The following GRM5 variants were observed in gnomAD, a reference collection of about 807,000 sequenced individuals.
GRM5 encodes the protein metabotropic glutamate receptor 5.
GRM5 carries 19 observed loss-of-function variants against 83.1 expected under a neutral mutation model. The observed-to-expected ratio is 0.23, with a 90% CI of 0.16 to 0.34. The LOEUF (loss-of-function observed/expected upper bound fraction) is 0.34, where lower values mean the gene tolerates loss of function less well. Among genes scored for constraint, GRM5 ranks in the 10% least tolerant of loss-of-function variants. The probability of loss-of-function intolerance (pLI) is 1.00; values close to 1 mark genes in which losing one functional copy is unlikely to be tolerated. For missense variants in GRM5, 1,160 were observed against 1,588.3 expected (o/e 0.73, Z 4.58); for synonymous variants, 675 against 633.6 (o/e 1.07, Z -0.98).
chr11:88,597,318 CT>C lies in GRM5; in HGVS notation c.1428del (p.Asp477IlefsTer16). On this transcript the variant is annotated frameshift_variant, in exon 6 of 10. Transcript: ENST00000305447. LOFTEE classifies it high-confidence loss of function. ...YEIMNFKEMG[K>X]DYFDYINVGS... Reference sequence around the variant, plus strand: ...CCAACGTTGATATAATCAAAGTAATCTTTTCCCATTTCCTTGAAATTCATTA... The same window carrying C: ...CCAACGTTGATATAATCAAAGTAATCTTTCCCATTTCCTTGAAATTCATTA... 6.5e-7 allele frequency: 1 copy of C among 1,549,642 alleles called. No individual in the cohort carries two copies. Among genetic ancestry groups the C allele is most frequent in the Non-Finnish European group, 8.9e-7 (1 of 1,124,858 alleles).
At chr11:88,878,144 T>A (rs185265136) in intron 2 of GRM5, among the ~76,000 whole-genome samples, 179 of 152,292 alleles carry the variant, frequency 1.2e-3, no homozygotes, top group African/African-American at 4.0e-3. Context: ...ACTCCAGGTA[T>A]ATAAAATTGC....
At chr11:88,645,379 C>T (rs950166677) in intron 4 of GRM5, among the ~76,000 whole-genome samples, 1 of 152,084 alleles carries the variant, frequency 6.6e-6, no homozygotes, top group Non-Finnish European at 1.5e-5. Flanking sequence ...GGAACTGATA[C>T]ATGTCTTGAA....
chr11:88,791,928 T>C (rs1344344382), intron 3 of GRM5, among the ~76,000 whole-genome samples: 1 of 152,156 alleles, frequency 6.6e-6, no homozygotes. Flanking sequence ...CATCCCATTT[T>C]AGCTTAGCTG....
chr11:89,064,941 G>GAGA (rs56894219), intron 1 of GRM5, among the ~76,000 whole-genome samples: 1,394 of 35,826 alleles, frequency 0.039, 68 homozygotes, highest in East Asian at 0.077. Context: ...AGAGAGAGAG[G>GAGA]GAGAGAGAGA....
At chr11:88,771,922 C>T (rs2135450796) in intron 3 of GRM5, among the ~76,000 whole-genome samples, 1 of 152,154 alleles carries the variant, frequency 6.6e-6, no homozygotes, top group East Asian at 1.9e-4. Flanking sequence ...ATGGTTTTGT[C>T]TTTTTGAGAA....
intron 6 of GRM5, among the ~76,000 whole-genome samples, chr11:88,593,988 G>T (rs1196656390): frequency 6.6e-6 from 1 of 151,842 alleles, no homozygotes; most frequent in Non-Finnish European, 1.5e-5. Context: ...TAGAGACGGG[G>T]TTTTACCATG....
intron 4 of GRM5, among the ~76,000 whole-genome samples, chr11:88,618,616 A>C (rs575506116): frequency 2.6e-4 from 40 of 152,204 alleles, no homozygotes; most frequent in Non-Finnish European, 4.9e-4. Flanking sequence ...AAAAAAAAAA[A>C]AACGATTCAA....
At chr11:89,024,974 A>G (rs1455232711) in intron 2 of GRM5, among the ~76,000 whole-genome samples, 4 of 152,138 alleles carry the variant, frequency 2.6e-5, no homozygotes, top group Admixed American at 6.6e-5. Context: ...ATTTATTTAT[A>G]TCTTCTTAAT....
intron 3 of GRM5, among the ~76,000 whole-genome samples, chr11:88,701,642 T>A (rs115100399): frequency 3.1e-4 from 47 of 152,242 alleles, no homozygotes; most frequent in African/African-American, 1.1e-3. Context: ...TTTAGGGAAG[T>A]AGAAGTTACA....
intron 2 of GRM5, among the ~76,000 whole-genome samples, chr11:88,872,866 T>C (rs982828492): frequency 9.9e-5 from 15 of 151,280 alleles, no homozygotes; most frequent in African/African-American, 3.6e-4. Context: ...CCCTTACCTA[T>C]CATTTACCTT....
chr11:88,629,859 A>T (rs1938913591), intron 4 of GRM5, among the ~76,000 whole-genome samples: 1 of 152,178 alleles, frequency 6.6e-6, no homozygotes, highest in Non-Finnish European at 1.5e-5. Flanking sequence ...TAGTGGCTTC[A>T]TGTCTCAATT....
chr11:88,524,604 A>G (rs1425956864), intron 9 of GRM5, among the ~76,000 whole-genome samples: 1 of 152,204 alleles, frequency 6.6e-6, no homozygotes, highest in Non-Finnish European at 1.5e-5. Flanking sequence ...TATACTTCCA[A>G]ATACTCCGGT....
At chr11:88,937,370 T>C (rs1011953277) in intron 2 of GRM5, among the ~76,000 whole-genome samples, 1 of 151,742 alleles carries the variant, frequency 6.6e-6, no homozygotes, top group Non-Finnish European at 1.5e-5. Context: ...TATATTTGCT[T>C]TACTTGTCTT....
chr11:88,573,271 T>C (rs910821212), intron 7 of GRM5, among the ~76,000 whole-genome samples: 1 of 152,190 alleles, frequency 6.6e-6, no homozygotes, highest in African/African-American at 2.4e-5. Context: ...TCCCCATAAG[T>C]CTAATAGCAG....
intron 4 of GRM5, among the ~76,000 whole-genome samples, chr11:88,612,524 A>G (rs12277985): frequency 0.22 from 33,127 of 151,996 alleles, 3,631 homozygotes; most frequent in Middle Eastern, 0.26. Flanking sequence ...CTAGTTCTAG[A>G]TCCCTGAGGA....
chr11:88,716,146 C>T (rs1436513235), intron 3 of GRM5, among the ~76,000 whole-genome samples: 2 of 151,982 alleles, frequency 1.3e-5, no homozygotes, highest in Non-Finnish European at 2.9e-5. Flanking sequence ...TCTGTAAGGT[C>T]AAGGGCAGCT....
At chr11:88,582,612 ATAAAC>A (rs1193949494) in intron 7 of GRM5, among the ~76,000 whole-genome samples, 1 of 152,248 alleles carries the variant, frequency 6.6e-6, no homozygotes, top group Non-Finnish European at 1.5e-5. Context: ...AATTGTAATA[ATAAAC>A]TAAACTTATT....
intron 7 of GRM5, among the ~76,000 whole-genome samples, chr11:88,571,153 C>T (rs771845853): frequency 6.6e-6 from 1 of 152,048 alleles, no homozygotes; most frequent in South Asian, 2.1e-4. Flanking sequence ...AGTTTAATTT[C>T]TAAATACTTT....
intron 3 of GRM5, among the ~76,000 whole-genome samples, chr11:88,687,553 C>T (rs867951011): frequency 0.018 from 262 of 14,652 alleles, 3 homozygotes; most frequent in East Asian, 0.097. Context: ...CACACACACA[C>T]ATATATATTA....
Sources: allele counts gnomAD v4.1 joint callset (sites outside exome capture counted in the v4.1 genomes callset), GRCh38; gene constraint gnomAD v4.1.1; transcripts MANE v1.5; gene names NCBI Gene and HGNC (gene_info 2026-07-23, HGNC 2026-07-21).